ARFGEF1: variants seen among roughly 807,000 people sequenced by gnomAD.
ARFGEF1 encodes brefeldin A-inhibited guanine nucleotide-exchange protein 1.
A neutral mutation model predicts 231.0 loss-of-function variants in ARFGEF1; 42 were observed. The observed-to-expected ratio is 0.18, with a 90% CI of 0.14 to 0.24. The LOEUF is 0.24. ARFGEF1 is among the 10% of genes least tolerant of loss of function. The probability of loss-of-function intolerance (pLI) is 1.00; values close to 1 mark genes in which losing one functional copy is unlikely to be tolerated. For missense variants in ARFGEF1, 1,345 were observed against 2,192.0 expected (o/e 0.61, Z 7.72); for synonymous variants, 710 against 732.3 (o/e 0.97, Z 0.49).
intron 12 of ARFGEF1, 29 bp downstream of exon 12, chr8:67,267,062 A>G: frequency 6.2e-7 from 1 of 1,609,814 alleles, no homozygotes; most frequent in African/African-American, 1.3e-5. Flanking sequence ...GGTAAAGTTT[A>G]AATTTGAAAA....
intron 33 of ARFGEF1, among the ~76,000 whole-genome samples, chr8:67,212,146 G>A (rs1185373615): frequency 1.3e-5 from 2 of 152,128 alleles, no homozygotes; most frequent in African/African-American, 4.8e-5. Context: ...GCAATGGCGC[G>A]ATCTCGGCTC....
intron 7 of ARFGEF1, among the ~76,000 whole-genome samples, chr8:67,279,535 T>C (rs1302747960): frequency 1.3e-5 from 2 of 152,202 alleles, no homozygotes; most frequent in African/African-American, 2.4e-5. Flanking sequence ...CTCGTGTTCA[T>C]TTTCTTCCCT....
chr8:67,177,780 T>C (rs1305282742), intron 5 of ARFGEF1: 11 of 1,207,896 alleles, frequency 9.1e-6, no homozygotes, highest in Non-Finnish European at 1.4e-5. Context: ...TAAAAATCTT[T>C]AGGCATATGA....
At chr8:67,308,278 G>C (rs1231461054) in intron 1 of ARFGEF1, among the ~76,000 whole-genome samples, 1 of 152,158 alleles carries the variant, frequency 6.6e-6, no homozygotes, top group East Asian at 1.9e-4. Flanking sequence ...ACTAAGTCTT[G>C]GGTGGTTTAT....
At chr8:67,174,422 A>G (rs1831121931), downstream of ARFGEF1, 1 of 152,160 alleles carries the variant, frequency 6.6e-6, no homozygotes, top group Non-Finnish European at 1.5e-5. Flanking sequence ...AATATTTTCA[A>G]GGCTTTTTAT....
Position 67,249,155 on chromosome 8 carries a change from T to C in ARFGEF1, c.2850+2144A>G, listed in dbSNP as rs529646631. On this transcript the variant is annotated intron_variant, in intron 19 of 38. Transcript: ENST00000262215. ...CTCGTACATGTATATAAATAATGTA[T>C]ATATAGACAGTTCCCAACTTACAAT... Among the ~76,000 whole-genome samples, 4 of 150,526 alleles carry C rather than the reference T, an allele frequency of 2.7e-5. No homozygotes were observed. In the South Asian group the frequency reaches 6.3e-4, roughly 24 times the overall value.
chr8:67,264,796 T>C (rs1438416342), intron 14 of ARFGEF1, among the ~76,000 whole-genome samples: 4 of 152,160 alleles, frequency 2.6e-5, no homozygotes, highest in Non-Finnish European at 5.9e-5. Context: ...CCTTCTCATT[T>C]CTCAAGTACT....
intron 28 of ARFGEF1, 59 bp from the exon 29 acceptor site, chr8:67,225,092 A>G (rs1839327112): frequency 1.4e-6 from 2 of 1,389,542 alleles, no homozygotes; most frequent in African/African-American, 2.9e-5. Flanking sequence ...CATTCAGTAT[A>G]CTAACTTCTC....
At chr8:67,218,244 A>G (rs1327567552) in intron 30 of ARFGEF1, 106 bp from the exon 31 acceptor site, 1 of 232,720 alleles carries the variant, frequency 4.3e-6, no homozygotes, top group Non-Finnish European at 7.2e-6. Flanking sequence ...AAATGTTTTC[A>G]TATTAAAAAT....
Position 67,299,266 on chromosome 8 carries a change from T to C in ARFGEF1, c.402A>G (p.Ile134Met), listed in dbSNP as rs769150403. 13 of 1,603,242 alleles carry C rather than the reference T, an allele frequency of 8.1e-6. No individual in the cohort carries two copies. Among genetic ancestry groups the C allele is most frequent in the Admixed American group, 3.4e-5 (2 of 59,352 alleles). Residue 134 changes from isoleucine (I) to methionine (M), a missense_variant, in exon 4 of 39, where the codon ATA (isoleucine) becomes ATG (methionine). Physicochemically the swap from Ile to Met is conservative, Grantham distance 10 (BLOSUM62 1). Around this residue, in one of 14 missense-constraint regions of ARFGEF1, gnomAD observed 398 missense variants for 463.2 expected, o/e 0.86. Coordinates refer to ENST00000262215, the MANE Select transcript of ARFGEF1 (RefSeq NM_006421.5). Reference sequence around the variant, plus strand: ...TCTGAGGGCCCTGAAAGCAGCCACATATTGTTTCAATAATTCTATCAATTA... The same window carrying C: ...TCTGAGGGCCCTGAAAGCAGCCACACATTGTTTCAATAATTCTATCAATTA... The part of the protein sequence containing the change: ...KKLIDRIIET[I>M]CGCFQGPQTD...
At chr8:67,310,166 T>C (rs1806932211) in intron 1 of ARFGEF1, among the ~76,000 whole-genome samples, 1 of 151,930 alleles carries the variant, frequency 6.6e-6, no homozygotes, top group African/African-American at 2.4e-5. Context: ...GAGCCGAAGC[T>C]GGACTGTACT....
Position 67,266,244 on chromosome 8 carries a change from T to C in ARFGEF1, c.1922-37A>G, listed in dbSNP as rs761843859. The stretch of plus-strand genomic sequence containing the variant: ...AAAATTGATAGAGTACATTATTCTA[T>C]CAAAGAAAAAAAAAAGTGTAAGGGC... On this transcript the variant is annotated intron_variant, in intron 13 of 38. Transcript: ENST00000262215. The C allele has an allele frequency of 1.4e-5, 21 of 1,534,878 alleles. 1 individual carries two copies. The South Asian group carries it at 2.3e-4, about 17-fold the overall frequency.
chr8:67,332,034 A>C (rs1011242698), intron 1 of ARFGEF1, among the ~76,000 whole-genome samples: 4 of 152,220 alleles, frequency 2.6e-5, no homozygotes, highest in African/African-American at 9.6e-5. Context: ...CTTAAATGTA[A>C]CATGTCCCCA....
intron 14 of ARFGEF1, among the ~76,000 whole-genome samples, chr8:67,262,209 T>G (rs775994459): frequency 4.6e-5 from 7 of 151,966 alleles, no homozygotes; most frequent in South Asian, 2.1e-4. Flanking sequence ...TCAATAGGAG[T>G]TGGGAAGAAG....
intron 3 of ARFGEF1, among the ~76,000 whole-genome samples, chr8:67,300,261 C>T (rs1455589287): frequency 6.6e-6 from 1 of 152,110 alleles, no homozygotes; most frequent in African/African-American, 2.4e-5. Flanking sequence ...TCCTTAAGGA[C>T]AAATAATATG....
intron 28 of ARFGEF1, 32 bp downstream of exon 28, chr8:67,225,991 T>TG (rs1839358943): frequency 5.8e-6 from 9 of 1,547,140 alleles, no homozygotes; most frequent in Non-Finnish European, 7.9e-6. Context: ...AAGAATACTC[T>TG]GCAAAATTTT....
intron 23 of ARFGEF1, among the ~76,000 whole-genome samples, chr8:67,232,422 G>A (rs1839584115): frequency 6.6e-6 from 1 of 151,908 alleles, no homozygotes; most frequent in African/African-American, 2.4e-5. Flanking sequence ...TATAAATTCT[G>A]AAGTCCTTTC....
chr8:67,270,100 A>C (rs1432543653), intron 10 of ARFGEF1, among the ~76,000 whole-genome samples: 1 of 152,188 alleles, frequency 6.6e-6, no homozygotes, highest in Non-Finnish European at 1.5e-5. Flanking sequence ...AAAAGTTCTA[A>C]AAGTTTTTTT....
chr8:67,200,278 GCAGCCTGGGCA>G (rs1563831476), intron 38 of ARFGEF1, 107 bp downstream of exon 38: 1 of 777,608 alleles, frequency 1.3e-6, no homozygotes, highest in Non-Finnish European at 2.3e-6. Context: ...AAGCAGCAGT[GCAGCCTGGGCA>G]CTGCTTGATT....
Sources: gnomAD v4.1 joint callset for allele counts (sites outside exome capture counted in the v4.1 genomes callset) on GRCh38, gnomAD v4.1.1 for gene constraint, gnomAD v4.1.1 regional missense constraint, MANE v1.5 for transcripts, NCBI Gene and HGNC (gene_info 2026-07-23, HGNC 2026-07-21) for gene names.